The following TRPC3 variants were observed in gnomAD, a reference collection of about 807,000 sequenced individuals.
TRPC3 encodes the protein transient receptor potential cation channel subfamily C member 3.
TRPC3 carries 54 observed loss-of-function variants against 90.9 expected under a neutral mutation model. The observed-to-expected ratio is 0.59, with a 90% CI of 0.48 to 0.75. The LOEUF (loss-of-function observed/expected upper bound fraction) is 0.75, where lower values mean the gene tolerates loss of function less well. TRPC3 is among the 30% of genes least tolerant of loss of function. The pLI is 0.00. For missense variants in TRPC3, 918 were observed against 1,194.5 expected (o/e 0.77, Z 3.41); for synonymous variants, 424 against 450.9 (o/e 0.94, Z 0.75).
Position 121,880,883 on chromosome 4 carries a change from AAGTC to A in TRPC3, c.2624-1009_2624-1006del, listed in dbSNP as rs1727918541. On this transcript the variant is annotated intron_variant, in intron 11 of 11. Transcript: ENST00000379645. Reference sequence around the variant, plus strand: ...ATTTCAATATTCTTCTATTATATAAAAGTCAGAGCATTTTTATTTGAAAAGAATT... The same window carrying A: ...ATTTCAATATTCTTCTATTATATAAAAGAGCATTTTTATTTGAAAAGAATT... Among the ~76,000 whole-genome samples the A allele has an allele frequency of 3.9e-5, 6 of 152,252 alleles. No individual in the cohort carries two copies. The South Asian group carries it at 1.2e-3, about 32-fold the overall frequency.
chr4:121,934,737 A>G (rs1487906317), intron 1 of TRPC3, among the ~76,000 whole-genome samples: 1 of 152,168 alleles, frequency 6.6e-6, no homozygotes, highest in Non-Finnish European at 1.5e-5. Context: ...GGCACCTACC[A>G]GTGTCCATTC....
rs779657697 is a variant in TRPC3, at chr4:121,932,246, A to C, written c.987+25T>G. 31 of 1,605,236 alleles carry C rather than the reference A, an allele frequency of 1.9e-5. 1 individual carries two copies. Among genetic ancestry groups the C allele is most frequent in the Non-Finnish European group, 2.6e-5 (31 of 1,173,990 alleles). ...GGGAAGTTGGGTGAGCACACAGAGC[A>C]GCCGGGGTAGAGCGCAAAGCTTACC... On this transcript the variant is annotated intron_variant, in intron 2 of 11. Transcript: ENST00000379645. This position sits in a 1 kb window ranked among gnomAD's most constrained non-coding sequence, Gnocchi z 7.7.
intron 1 of TRPC3, among the ~76,000 whole-genome samples, chr4:121,943,108 A>C (rs1056345362): frequency 1.3e-5 from 2 of 152,178 alleles, no homozygotes; most frequent in Admixed American, 1.3e-4. Context: ...ATGGTGATGA[A>C]TATCTATTGG....
At chr4:121,897,535 A>T (rs1728561143) in intron 10 of TRPC3, among the ~76,000 whole-genome samples, 1 of 151,138 alleles carries the variant, frequency 6.6e-6, no homozygotes, top group African/African-American at 2.4e-5. Flanking sequence ...GACATTTCTC[A>T]AAAGAATACA....
At chr4:121,921,933 T>C (rs1446061659) in intron 3 of TRPC3, among the ~76,000 whole-genome samples, 43 of 150,746 alleles carry the variant, frequency 2.9e-4, no homozygotes, top group African/African-American at 1.0e-3. Flanking sequence ...TTTTTTTTTT[T>C]TTCGAGTCGG....
intron 1 of TRPC3, among the ~76,000 whole-genome samples, chr4:121,941,447 C>A (rs1291124676): frequency 6.6e-6 from 1 of 152,110 alleles, no homozygotes; most frequent in Admixed American, 6.5e-5. Flanking sequence ...GCAAGAAGGG[C>A]AGATGGAGCC....
chr4:121,899,746 T>TA (rs763875395), intron 9 of TRPC3, 51 bp from the exon 10 acceptor site: 5 of 1,319,738 alleles, frequency 3.8e-6, no homozygotes, highest in South Asian at 1.2e-5. Flanking sequence ...TCATTTGGAA[T>TA]AAAAAATATA....
At position 121,901,049 on chromosome 4, in the gene TRPC3, A is replaced by G. The variant is rs1382962996; in HGVS notation, c.2464-1354T>C. ...AAGCCTACTGCGTGTGCTCTTCTCA[A>G]CCTGACGTTTAGTATTTTCCCTTCT... is the stretch of plus-strand genomic sequence containing the variant. On this transcript the variant is annotated intron_variant, in intron 9 of 11. Transcript: ENST00000379645. 2.0e-5 allele frequency among the ~76,000 whole-genome samples: 3 copies of G among 152,330 alleles called. No individual in the cohort carries two copies. In the East Asian group the frequency reaches 5.8e-4, roughly 29 times the overall value.
chr4:121,935,499 T>G (rs1237399294), intron 1 of TRPC3, among the ~76,000 whole-genome samples: 1 of 151,888 alleles, frequency 6.6e-6, no homozygotes, highest in Non-Finnish European at 1.5e-5. Context: ...GAAGAGAACT[T>G]TGTTTCAAGA....
Position 121,932,325 on chromosome 4 carries a change from G to C in TRPC3, c.933C>G (p.Ala311=). 1 of 1,614,154 alleles carries C rather than the reference G, an allele frequency of 6.2e-7. No homozygotes were observed. Among genetic ancestry groups the C allele is most frequent in the African/African-American group, 1.3e-5 (1 of 75,040 alleles). Residue 311 remains alanine (A), a synonymous_variant, in exon 2 of 12, where the codon GCC becomes GCG. Coordinates refer to ENST00000379645, the MANE Select transcript of TRPC3 (RefSeq NM_001130698.2). The surrounding 1 kb of genome is among the most constrained non-coding windows in gnomAD (Gnocchi z 7.7). The part of the protein sequence containing the change: ...SLSSEDPVLT[A]LELSNELAKL... ...TGGCCAGCTCGTTGCTGAGCTCTAG[G>C]GCCGTAAGCACCGGGTCCTCGCTGG...
chr4:121,903,204 A>G, intron 8 of TRPC3, 143 bp from the exon 9 acceptor site: 2 of 646,732 alleles, frequency 3.1e-6, no homozygotes, highest in South Asian at 2.3e-5. Context: ...TATTCTATAG[A>G]CCTACACAAT....
At chr4:121,940,169 G>T (rs973234784) in intron 1 of TRPC3, among the ~76,000 whole-genome samples, 4 of 152,084 alleles carry the variant, frequency 2.6e-5, no homozygotes, top group Non-Finnish European at 4.4e-5. Context: ...CAAGACGTGG[G>T]GAGACACTGT....
chr4:121,918,962 C>T (rs1233592819), intron 3 of TRPC3, among the ~76,000 whole-genome samples: 1 of 152,212 alleles, frequency 6.6e-6, no homozygotes, highest in Non-Finnish European at 1.5e-5. Flanking sequence ...TATGTCACTA[C>T]ACCAGTTATG....
intron 5 of TRPC3, 102 bp from the exon 6 acceptor site, chr4:121,910,489 A>G (rs914063316): frequency 2.3e-6 from 2 of 862,516 alleles, no homozygotes; most frequent in African/African-American, 1.6e-5. Context: ...CTACACGTCA[A>G]GCACAGTACT....
chr4:121,951,569 G>T lies in TRPC3; in HGVS notation c.112C>A (p.Arg38=). Residue 38 remains arginine (R), a synonymous_variant, in exon 1 of 12, where the codon CGG becomes AGG. Coordinates refer to ENST00000379645, the MANE Select transcript of TRPC3 (RefSeq NM_001130698.2). This position sits in a 1 kb window ranked among gnomAD's most constrained non-coding sequence, Gnocchi z 4.4. ...DEGAEPQRRR[R]GWRGVNGGLE... The stretch of plus-strand genomic sequence containing the variant: ...CCCCCGTTGACGCCCCTCCAGCCCC[G>T]GCGGCGGCGCTGCGGCTCCGCGCCC... The T allele has an allele frequency of 6.9e-7, 1 of 1,445,996 alleles. No homozygotes were observed. Among genetic ancestry groups the T allele is most frequent in the Non-Finnish European group, 9.1e-7 (1 of 1,095,394 alleles). 89.6% of individuals were successfully genotyped at this position (1,445,996 alleles called of 1,614,324 possible). A position where few individuals can be genotyped will look rare whatever the true frequency, so the allele number is the denominator to read the frequency against.
intron 10 of TRPC3, among the ~76,000 whole-genome samples, chr4:121,888,909 T>G (rs1328321671): frequency 2.6e-5 from 4 of 152,158 alleles, no homozygotes; most frequent in Non-Finnish European, 5.9e-5. Flanking sequence ...GGATTAGTGC[T>G]CTTATAAAAG....
chr4:121,894,520 A>C (rs1487528521), intron 10 of TRPC3, among the ~76,000 whole-genome samples: 1 of 150,226 alleles, frequency 6.7e-6, no homozygotes, highest in African/African-American at 2.4e-5. Context: ...ATATTTACAG[A>C]ACATTTTACC....
chr4:121,914,474 G>A (rs529995226), intron 4 of TRPC3, among the ~76,000 whole-genome samples: 15 of 152,168 alleles, frequency 9.9e-5, no homozygotes, highest in East Asian at 1.9e-4. Context: ...TTATTAAGCC[G>A]TCAATAAAAT....
Position 121,951,636 on chromosome 4 carries a change from G to A in TRPC3, c.45C>T (p.Thr15=). The stretch of plus-strand genomic sequence containing the variant: ...CTTCCTCCTCCTCCGGCGCCGGGAA[G>A]GTCACCCTTGCTTGTTCTTTGCACT... ...VRKCKEQARV[T]FPAPEEEEDE... is the part of the protein sequence containing the mutation. The change falls in exon 1 of 12, where the codon ACC becomes ACT. Residue 15 remains threonine (T), a synonymous_variant. Coordinates refer to ENST00000379645, the MANE Select transcript of TRPC3 (RefSeq NM_001130698.2). The surrounding 1 kb of genome is among the most constrained non-coding windows in gnomAD (Gnocchi z 4.4). 1 of 1,423,280 alleles carries A rather than the reference G, an allele frequency of 7.0e-7. No individual in the cohort carries two copies. The highest frequency in any genetic ancestry group is 9.3e-7 in the Non-Finnish European group (1 of 1,079,938). The allele number at this position is 1,423,280 out of a possible 1,614,324, so 88.2% of individuals were successfully genotyped here. A position where few individuals can be genotyped will look rare whatever the true frequency, so the allele number is the denominator to read the frequency against.
Sources: gnomAD v4.1 joint callset for allele counts (sites outside exome capture counted in the v4.1 genomes callset) on GRCh38, gnomAD v4.1.1 for gene constraint, Gnocchi (gnomAD v3.1) non-coding constraint, MANE v1.5 for transcripts, NCBI Gene and HGNC (gene_info 2026-07-23, HGNC 2026-07-21) for gene names.